The following TUB variants were observed in gnomAD, a reference collection of about 807,000 sequenced individuals.
The protein encoded by TUB is tubby protein homolog.
A neutral mutation model predicts 59.7 loss-of-function variants in TUB; 33 were observed. That is an observed-to-expected ratio of 0.55 (90% confidence interval 0.42 to 0.74). The LOEUF is 0.74. Ranked by LOEUF, TUB falls within the 30% of genes least tolerant of loss-of-function variation. TUB has a pLI of 0.00. For missense variants in TUB, 659 were observed against 672.0 expected (o/e 0.98, Z 0.21); for synonymous variants, 293 against 256.4 (o/e 1.14, Z -1.36).
intron 8 of TUB, 138 bp downstream of exon 8, chr11:8,097,964 A>G (rs2133883005): frequency 1.5e-6 from 1 of 676,334 alleles, no homozygotes; most frequent in East Asian, 2.7e-5. Context: ...TGATAATCAC[A>G]TCCAACTGGA....
Position 8,101,787 on chromosome 11 carries a change from G to A in TUB, c.*168G>A. On this transcript the variant is annotated 3_prime_UTR_variant, in exon 12 of 12. Transcript: ENST00000299506. ...GCCAGGAACTGGCTCCTTTGCCTCT[G>A]CTACTGAGGCAGGGGAGTAGTGGAG... is the stretch of plus-strand genomic sequence containing the variant. The A allele has an allele frequency of 1.6e-6, 2 of 1,252,910 alleles. No homozygotes were observed. Among genetic ancestry groups the A allele is most frequent in the Non-Finnish European group, 2.1e-6 (2 of 933,548 alleles). The allele number at this position is 1,252,910 out of a possible 1,614,324, so 77.6% of individuals were successfully genotyped here.
intron 1 of TUB, chr11:8,039,047 G>T: frequency 4.3e-6 from 7 of 1,609,968 alleles, no homozygotes; most frequent in East Asian, 2.2e-5. Context: ...TCAACATCCT[G>T]CCTTTAGCCC....
At chr11:8,038,220 G>C (rs1337286403), upstream of TUB, among the ~76,000 whole-genome samples, 1 of 152,202 alleles carries the variant, frequency 6.6e-6, no homozygotes, top group Non-Finnish European at 1.5e-5. Flanking sequence ...AGAGCAGGTA[G>C]GTAGAGTTTA....
intron 2 of TUB, among the ~76,000 whole-genome samples, chr11:8,042,914 C>CT (rs994972039): frequency 2.0e-5 from 3 of 152,094 alleles, no homozygotes; most frequent in Non-Finnish European, 4.4e-5. Flanking sequence ...TTGATGGTGT[C>CT]TTTTGCAACA....
intron 2 of TUB, among the ~76,000 whole-genome samples, chr11:8,058,919 C>A (rs1286190143): frequency 2.0e-5 from 3 of 152,156 alleles, no homozygotes; most frequent in Admixed American, 2.0e-4. Flanking sequence ...TGCTATACAT[C>A]CTTTGTGTCA....
chr11:8,045,631 C>T (rs1942819253), intron 2 of TUB, among the ~76,000 whole-genome samples: 1 of 152,194 alleles, frequency 6.6e-6, no homozygotes, highest in Admixed American at 6.5e-5. Context: ...ATTAGGGATG[C>T]TGAACCAGTA....
chr11:8,038,031 C>T (rs1195616997), upstream of TUB, among the ~76,000 whole-genome samples: 1 of 152,086 alleles, frequency 6.6e-6, no homozygotes, highest in Non-Finnish European at 1.5e-5. Context: ...TGATGATTGT[C>T]TGGGTTGGTG....
intron 3 of TUB, among the ~76,000 whole-genome samples, chr11:8,091,040 C>T (rs1251033050): frequency 6.6e-6 from 1 of 152,068 alleles, no homozygotes; most frequent in Non-Finnish European, 1.5e-5. Flanking sequence ...CTGGCTTTTG[C>T]GGTTAGGAAG....
intron 2 of TUB, among the ~76,000 whole-genome samples, chr11:8,057,536 A>G (rs925854810): frequency 2.6e-5 from 4 of 152,230 alleles, no homozygotes; most frequent in African/African-American, 9.6e-5. Flanking sequence ...CTTTTAATCT[A>G]TAACTAAGAT....
At chr11:8,091,685 T>A (rs916644528) in intron 3 of TUB, among the ~76,000 whole-genome samples, 1 of 152,120 alleles carries the variant, frequency 6.6e-6, no homozygotes, top group Admixed American at 6.5e-5. Flanking sequence ...ATGCCTGTAC[T>A]CTACTTGAGA....
intron 1 of TUB, among the ~76,000 whole-genome samples, chr11:8,020,605 G>GT (rs1386367637): frequency 1.3e-5 from 2 of 152,088 alleles, no homozygotes; most frequent in Non-Finnish European, 2.9e-5. Context: ...ATCCACGTCT[G>GT]TTTTTTTCCT....
In TUB at chr11:8,053,738, C is replaced by T. The variant is rs938957921; in HGVS notation, c.203+14046C>T. On this transcript the variant is annotated intron_variant, in intron 2 of 12. Transcript: ENST00000305253. ...GGATGGTCTCGATCTCCTGACCTCG[C>T]GATCCGCCTGCCTTGGCCTCCCAAA... Among the ~76,000 whole-genome samples, 378 of 149,916 alleles carry T rather than the reference C, an allele frequency of 2.5e-3. 1 individual carries two copies. Among genetic ancestry groups the T allele is most frequent in the African/African-American group, 8.7e-3 (358 of 40,996 alleles).
At position 8,101,623 on chromosome 11, in the gene TUB, C is replaced by T. The variant is rs569780414; in HGVS notation, c.*4C>T. 55 of 1,614,126 alleles carry T rather than the reference C, an allele frequency of 3.4e-5. No individual in the cohort carries two copies. The South Asian group carries it at 5.6e-4, about 16-fold the overall frequency. On this transcript the variant is annotated 3_prime_UTR_variant, in exon 12 of 12. Transcript: ENST00000299506. ...CAGCAAGCTGGCGTGCGAGTAGAGGCCTCTTCGTGCCCTTTGGGGTTGCCC... is the reference window on the plus strand; with the variant it reads ...CAGCAAGCTGGCGTGCGAGTAGAGGTCTCTTCGTGCCCTTTGGGGTTGCCC...
At chr11:8,099,580 A>G (rs1944163269) in intron 9 of TUB, among the ~76,000 whole-genome samples, 1 of 152,248 alleles carries the variant, frequency 6.6e-6, no homozygotes, top group Non-Finnish European at 1.5e-5. Context: ...CACTAAGGAT[A>G]TAGTAATGAA....
At chr11:8,055,011 G>T (rs1173328856) in intron 2 of TUB, among the ~76,000 whole-genome samples, 1 of 152,156 alleles carries the variant, frequency 6.6e-6, no homozygotes, top group Admixed American at 6.5e-5. Context: ...CAAGTCTGGA[G>T]CCCAGGCCTA....
intron 5 of TUB, among the ~76,000 whole-genome samples, chr11:8,096,009 C>T (rs1216270692): frequency 2.6e-5 from 4 of 152,224 alleles, no homozygotes; most frequent in Non-Finnish European, 5.9e-5. Flanking sequence ...AGTTTTCCCA[C>T]CACAAGCCCT....
At chr11:8,042,096 C>G (rs1240440883) in intron 2 of TUB, among the ~76,000 whole-genome samples, 2 of 151,956 alleles carry the variant, frequency 1.3e-5, no homozygotes, top group African/African-American at 2.4e-5. Flanking sequence ...ATTACTCCCC[C>G]CAATGAAAAC....
At position 8,049,578 on chromosome 11, in the gene TUB, T is replaced by TATATATATAGATAGATAG. The variant is rs1055522231; in HGVS notation, c.203+9889_203+9890insTATATAGATAGATAGATA. 3.6e-3 allele frequency among the ~76,000 whole-genome samples: 305 copies of TATATATATAGATAGATAG among 85,904 alleles called. 2 individuals are homozygous for TATATATATAGATAGATAG. Among genetic ancestry groups the TATATATATAGATAGATAG allele is most frequent in the Admixed American group, 0.012 (106 of 8,536 alleles). The allele number at this position is 85,904 out of a possible 152,430, so 56.4% of individuals were successfully genotyped here. A position where few individuals can be genotyped will look rare whatever the true frequency, so the allele number is the denominator to read the frequency against. ...ATTATGTGGTATATATATATATATA[T>TATATATATAGATAGATAG]ATAGATAGATAGATAGATAGATAGA... On this transcript the variant is annotated intron_variant, in intron 2 of 12. Coordinates refer to the TUB transcript ENST00000305253.
At chr11:8,019,577 G>A (rs2133691250) in intron 1 of TUB, among the ~76,000 whole-genome samples, 1 of 152,210 alleles carries the variant, frequency 6.6e-6, no homozygotes, top group East Asian at 1.9e-4. Context: ...CAGAGCTGTC[G>A]GAGGAGGGCA....
Sources: gnomAD v4.1 joint callset for allele counts (sites outside exome capture counted in the v4.1 genomes callset) on GRCh38, gnomAD v4.1.1 for gene constraint, MANE v1.5 for transcripts, NCBI Gene and HGNC (gene_info 2026-07-23, HGNC 2026-07-21) for gene names.